ZC2HC1B: variants seen among roughly 807,000 people sequenced by gnomAD.
ZC2HC1B encodes the protein zinc finger C2HC domain-containing protein 1B.
A neutral mutation model predicts 31.0 loss-of-function variants in ZC2HC1B; 36 were observed. The observed-to-expected ratio is 1.16, with a 90% CI of 0.89 to 1.54. The LOEUF is 1.54. Among genes scored for constraint, ZC2HC1B ranks in the 40% most tolerant of loss-of-function variants. ZC2HC1B has a pLI of 0.00. For missense variants in ZC2HC1B, 260 were observed against 268.6 expected, an observed-to-expected ratio of 0.97 and a Z score of 0.22; for synonymous variants, 73 against 88.0, an observed-to-expected ratio of 0.83 and a Z score of 0.95.
chr6:143,885,903 C>G lies in ZC2HC1B; in HGVS notation c.91-129C>G. The G allele has an allele frequency of 9.7e-7, 1 of 1,033,294 alleles. No individual in the cohort carries two copies. Among genetic ancestry groups the G allele is most frequent in the South Asian group, 2.8e-5 (1 of 36,204 alleles). The allele number at this position is 1,033,294 out of a possible 1,614,324, so 64.0% of individuals were successfully genotyped here. A position where few individuals can be genotyped will look rare whatever the true frequency, so the allele number is the denominator to read the frequency against. On this transcript the variant is annotated intron_variant, in intron 2 of 7. Transcript: ENST00000237275. The surrounding 1 kb of genome is among the most constrained non-coding windows in gnomAD (Gnocchi z 4.2). The stretch of plus-strand genomic sequence containing the variant: ...CCAGATGGATTTGCTCTGCTGTGAC[C>G]TGTTAGAGAATGAACTAGGCTCTGA...
At chr6:143,925,238 C>T (rs569982164) in intron 6 of ZC2HC1B, among the ~76,000 whole-genome samples, 12 of 131,986 alleles carry the variant, frequency 9.1e-5, no homozygotes, top group African/African-American at 2.0e-4. Context: ...TGCAGTGGTG[C>T]GATCTCCCCT....
At chr6:143,867,263 A>T (rs1777276056) in intron 1 of ZC2HC1B, among the ~76,000 whole-genome samples, 1 of 152,240 alleles carries the variant, frequency 6.6e-6, no homozygotes, top group Admixed American at 6.5e-5. Flanking sequence ...CCACTTGTAT[A>T]GTATCCTTAA....
At chr6:143,892,849 T>TAAAGGCC (rs1427681530) in intron 4 of ZC2HC1B, among the ~76,000 whole-genome samples, 2 of 152,072 alleles carry the variant, frequency 1.3e-5, no homozygotes, top group Non-Finnish European at 2.9e-5. Flanking sequence ...TTGTTACAAC[T>TAAAGGCC]AAAGGCCAAC....
At chr6:143,936,534 G>A (rs1476014447) in intron 6 of ZC2HC1B, among the ~76,000 whole-genome samples, 1 of 152,234 alleles carries the variant, frequency 6.6e-6, no homozygotes, top group African/African-American at 2.4e-5. Context: ...GGGAATGAGT[G>A]TATAGCCTAG....
intron 6 of ZC2HC1B, among the ~76,000 whole-genome samples, chr6:143,925,770 C>T (rs937092917): frequency 1.3e-5 from 2 of 151,700 alleles, no homozygotes; most frequent in African/African-American, 4.8e-5. Context: ...AACTCCTGAC[C>T]TCAGGAAGCC....
intron 4 of ZC2HC1B, among the ~76,000 whole-genome samples, chr6:143,889,080 C>T (rs998060433): frequency 6.6e-6 from 1 of 151,734 alleles, no homozygotes; most frequent in African/African-American, 2.4e-5. Context: ...AACAATAGCA[C>T]AAGGTTGAGT....
intron 1 of ZC2HC1B, among the ~76,000 whole-genome samples, chr6:143,880,330 G>A (rs1037377314): frequency 1.3e-5 from 2 of 152,034 alleles, no homozygotes; most frequent in South Asian, 4.1e-4. Flanking sequence ...TTCTTCCAAA[G>A]GGTTTCTTTT....
chr6:143,902,914 G>C (rs1562343083), intron 5 of ZC2HC1B, 130 bp from the exon 6 acceptor site: 4 of 768,894 alleles, frequency 5.2e-6, no homozygotes, highest in Non-Finnish European at 8.5e-6. Flanking sequence ...CCCTTCCCCT[G>C]GATTCAGGGA....
At position 143,903,994 on chromosome 6, in the gene ZC2HC1B, C is replaced by A. The variant is rs1177057039; in HGVS notation, c.598+842C>A. 6.6e-6 allele frequency among the ~76,000 whole-genome samples: 1 copy of A among 152,166 alleles called. No homozygotes were observed. Among genetic ancestry groups the A allele is most frequent in the Non-Finnish European group, 1.5e-5 (1 of 68,028 alleles). Reference sequence around the variant, plus strand: ...TGGGAACAGAGGCTGACTGTAATTTCTTCAAAGTAGCAACAAGGCAGAACC... The same window carrying A: ...TGGGAACAGAGGCTGACTGTAATTTATTCAAAGTAGCAACAAGGCAGAACC... On this transcript the variant is annotated intron_variant, in intron 6 of 7. Coordinates refer to ENST00000237275, the MANE Select transcript of ZC2HC1B (RefSeq NM_001013623.3). The surrounding 1 kb of genome is among the most constrained non-coding windows in gnomAD (Gnocchi z 4.3).
In ZC2HC1B at chr6:143,884,366, G is replaced by A; in HGVS notation, c.90+1G>A. The A allele has an allele frequency of 6.5e-7, 1 of 1,536,196 alleles. No individual in the cohort carries two copies. Among genetic ancestry groups the A allele is most frequent in the Non-Finnish European group, 8.8e-7 (1 of 1,135,550 alleles). On this transcript the variant is annotated splice_donor_variant, in intron 2 of 7. Coordinates refer to ENST00000237275, the MANE Select transcript of ZC2HC1B (RefSeq NM_001013623.3). LOFTEE classifies it high-confidence loss of function. This position sits in a 1 kb window ranked among gnomAD's most constrained non-coding sequence, Gnocchi z 5.1. ...AAGACGTTTTGCAGCAGATGTTCTG[G>A]TAAACATAAAGACATTTTGTAGATG...
chr6:143,926,179 T>C (rs1778039584), intron 6 of ZC2HC1B, among the ~76,000 whole-genome samples: 1 of 152,182 alleles, frequency 6.6e-6, no homozygotes, highest in Non-Finnish European at 1.5e-5. Flanking sequence ...TTTGGTCTGC[T>C]CTTGCTTTTC....
chr6:143,933,090 T>C lies in ZC2HC1B; in HGVS notation c.599-4559T>C, dbSNP rs1384733763. Among the ~76,000 whole-genome samples the C allele has an allele frequency of 6.6e-6, 1 of 152,216 alleles. No homozygotes were observed. Among genetic ancestry groups the C allele is most frequent in the Non-Finnish European group, 1.5e-5 (1 of 68,042 alleles). ...CTGTGAGAGTCCTTGGTTGTAAATA[T>C]GTTTACTGTGTTGTCTTTCTTGAAT... is the stretch of plus-strand genomic sequence containing the variant. On this transcript the variant is annotated intron_variant, in intron 6 of 7. Transcript: ENST00000237275. The surrounding 1 kb of genome is among the most constrained non-coding windows in gnomAD (Gnocchi z 6.4).
chr6:143,900,311 C>A (rs554403892), intron 5 of ZC2HC1B, among the ~76,000 whole-genome samples: 2 of 151,460 alleles, frequency 1.3e-5, no homozygotes, highest in African/African-American at 4.8e-5. Context: ...ATTGCTTGAA[C>A]CTGGGGAGGC....
intron 6 of ZC2HC1B, among the ~76,000 whole-genome samples, chr6:143,909,042 T>G (rs1464365447): frequency 6.6e-6 from 1 of 152,198 alleles, no homozygotes; most frequent in African/African-American, 2.4e-5. Flanking sequence ...ATTCATATCT[T>G]TAGATCTGTT....
chr6:143,914,759 G>A (rs1777897621), intron 6 of ZC2HC1B, among the ~76,000 whole-genome samples: 1 of 152,020 alleles, frequency 6.6e-6, no homozygotes, highest in Non-Finnish European at 1.5e-5. Context: ...TTTGTGTCTT[G>A]TAATCTTTTT....
intron 6 of ZC2HC1B, among the ~76,000 whole-genome samples, chr6:143,914,466 T>C (rs1056320011): frequency 6.6e-6 from 1 of 152,256 alleles, no homozygotes; most frequent in Non-Finnish European, 1.5e-5. Context: ...TTAAATTTAC[T>C]GAGACTTAAT....
chr6:143,873,379 C>T (rs887366528), intron 1 of ZC2HC1B, among the ~76,000 whole-genome samples: 2 of 152,172 alleles, frequency 1.3e-5, no homozygotes, highest in African/African-American at 4.8e-5. Context: ...CATGGCTTTT[C>T]GAGCCACACA....
chr6:143,927,951 A>G (rs1185104595), intron 6 of ZC2HC1B, among the ~76,000 whole-genome samples: 1 of 152,034 alleles, frequency 6.6e-6, no homozygotes, highest in African/African-American at 2.4e-5. Flanking sequence ...AAAAATGTCT[A>G]TGTTCTTTGC....
chr6:143,886,738 C>A lies in ZC2HC1B; in HGVS notation c.266C>A (p.Ala89Glu), dbSNP rs1407265308. 1.3e-6 allele frequency: 2 copies of A among 1,547,974 alleles called. No individual in the cohort carries two copies. Among genetic ancestry groups the A allele is most frequent in the Non-Finnish European group, 1.7e-6 (2 of 1,145,266 alleles). ...WRQQHEDFIN[A>E]IRSAKQCMLA... ...CAACAACATGAAGACTTTATTAATGCAATCCGATCAGCAAAGCAGTGTATG... is the reference window on the plus strand; with the variant it reads ...CAACAACATGAAGACTTTATTAATGAAATCCGATCAGCAAAGCAGTGTATG... The change falls in exon 4 of 8, where the codon GCA (alanine) becomes GAA (glutamate). Residue 89 changes from alanine to glutamate, a missense_variant. By Grantham distance (107) the Ala-to-Glu change is moderately radical (BLOSUM62 -1). Coordinates refer to ENST00000237275, the MANE Select transcript of ZC2HC1B (RefSeq NM_001013623.3). The surrounding 1 kb of genome is among the most constrained non-coding windows in gnomAD (Gnocchi z 4.2).
Sources: allele counts gnomAD v4.1 joint callset (sites outside exome capture counted in the v4.1 genomes callset), GRCh38; gene constraint gnomAD v4.1.1; non-coding constraint Gnocchi (gnomAD v3.1); transcripts MANE v1.5; gene names NCBI Gene and HGNC (gene_info 2026-07-23, HGNC 2026-07-21).